FLT3: variants seen among roughly 807,000 people sequenced by gnomAD.
FLT3 encodes the protein fms related receptor tyrosine kinase 3.
FLT3 carries 46 observed loss-of-function variants against 126.6 expected under a neutral mutation model. The ratio of observed to expected loss-of-function variants is 0.36; its 90% CI spans 0.29 to 0.46. The LOEUF is 0.46. FLT3 is among the 20% of genes least tolerant of loss of function. The pLI is 1.00. For synonymous variants in FLT3, 404 were observed against 434.4 expected, an observed-to-expected ratio of 0.93 and a Z score of 0.87; for missense variants, 1,069 against 1,190.3, an observed-to-expected ratio of 0.90 and a Z score of 1.50.
chr13:28,062,582 A>C (rs1475501213), intron 2 of FLT3, among the ~76,000 whole-genome samples: 1 of 151,904 alleles, frequency 6.6e-6, no homozygotes, highest in Non-Finnish European at 1.5e-5. Flanking sequence ...ATGTCTACTA[A>C]AAATACAAAA....
At chr13:28,038,452 GTTT>G (rs1268645868) in intron 9 of FLT3, among the ~76,000 whole-genome samples, 2 of 144,540 alleles carry the variant, frequency 1.4e-5, no homozygotes, top group Non-Finnish European at 3.1e-5. Flanking sequence ...CCTACTGAAA[GTTT>G]TTTTTTTTTT....
intron 4 of FLT3, among the ~76,000 whole-genome samples, chr13:28,056,660 G>A (rs9513012): frequency 0.16 from 24,956 of 152,232 alleles, 2,234 homozygotes; most frequent in Middle Eastern, 0.26. Flanking sequence ...CATCTGGACC[G>A]TTCCTTACAG....
At chr13:28,078,809 G>A (rs1401785917) in intron 1 of FLT3, among the ~76,000 whole-genome samples, 1 of 151,796 alleles carries the variant, frequency 6.6e-6, no homozygotes, top group Non-Finnish European at 1.5e-5. Context: ...CGCCTCCCAG[G>A]TTCAAGCGAT....
In FLT3 at chr13:28,048,584, C is replaced by A; in HGVS notation, c.1037-141G>T. On this transcript the variant is annotated intron_variant, in intron 8 of 23. Transcript: ENST00000241453. ...CATGCTGCAGGTCAGGTTGGATAAT[C>A]CAAGTGAAAACCCAGGAGTCCTATC... The A allele has an allele frequency of 4.8e-6, 3 of 622,848 alleles. No individual in the cohort carries two copies. In the South Asian group the frequency reaches 6.2e-5, roughly 13 times the overall value. The allele number at this position is 622,848 out of a possible 1,614,324, so 38.6% of individuals were successfully genotyped here. A position where few individuals can be genotyped will look rare whatever the true frequency, so the allele number is the denominator to read the frequency against.
At chr13:28,086,886 ATC>A in intron 1 of FLT3, among the ~76,000 whole-genome samples, 1 of 151,942 alleles carries the variant, frequency 6.6e-6, no homozygotes, top group Non-Finnish European at 1.5e-5. Flanking sequence ...ACCTCAAGGG[ATC>A]TGCCCACCTT....
intron 1 of FLT3, among the ~76,000 whole-genome samples, chr13:28,081,999 G>A (rs541627101): frequency 2.0e-5 from 3 of 150,984 alleles, no homozygotes; most frequent in Admixed American, 6.6e-5. Context: ...GGGATTACAG[G>A]TGCCCACCAT....
intron 3 of FLT3, among the ~76,000 whole-genome samples, chr13:28,060,463 A>AT (rs1164040302): frequency 6.5e-5 from 1 of 15,438 alleles, no homozygotes; most frequent in Admixed American, 1.1e-3. Context: ...AGGTAAAAAT[A>AT]TTTAAAAAAA....
At chr13:28,054,277 A>G (rs145552700) in intron 4 of FLT3, among the ~76,000 whole-genome samples, 1 of 152,292 alleles carries the variant, frequency 6.6e-6, no homozygotes, top group East Asian at 1.9e-4. Context: ...CAAGTATAAA[A>G]TGGTATTTCA....
chr13:28,091,818 C>T (rs1316085631), intron 1 of FLT3, among the ~76,000 whole-genome samples: 1 of 151,908 alleles, frequency 6.6e-6, no homozygotes, highest in Non-Finnish European at 1.5e-5. Flanking sequence ...GCCTGTAATC[C>T]CAGCACTTTG....
chr13:28,089,603 C>G (rs2137823637), intron 1 of FLT3, among the ~76,000 whole-genome samples: 1 of 152,110 alleles, frequency 6.6e-6, no homozygotes, highest in East Asian at 1.9e-4. Context: ...GTGAAATAAA[C>G]ACACTCAAAG....
intron 20 of FLT3, among the ~76,000 whole-genome samples, chr13:28,016,973 G>C (rs1871921248): frequency 6.6e-6 from 1 of 152,102 alleles, no homozygotes; most frequent in Admixed American, 6.6e-5. Context: ...AACGCTATGA[G>C]GTAAGTGCAT....
intron 1 of FLT3, among the ~76,000 whole-genome samples, chr13:28,083,889 C>T (rs182366770): frequency 3.4e-4 from 51 of 152,054 alleles, no homozygotes; most frequent in African/African-American, 1.1e-3. Context: ...ATCAGTTTGG[C>T]TAGAGGTTTA....
chr13:28,086,271 C>T (rs534208600), intron 1 of FLT3, among the ~76,000 whole-genome samples: 6 of 152,082 alleles, frequency 3.9e-5, no homozygotes, highest in South Asian at 2.1e-4. Context: ...TTTTAGTAGT[C>T]GATTTAAGGT....
intron 20 of FLT3, 59 bp from the exon 21 acceptor site, chr13:28,015,760 T>C: frequency 9.9e-7 from 1 of 1,007,390 alleles, no homozygotes; most frequent in Non-Finnish European, 1.6e-6. Flanking sequence ...CATGACTTCT[T>C]TTCTTTTGTA....
intron 1 of FLT3, among the ~76,000 whole-genome samples, chr13:28,082,052 C>T (rs981256612): frequency 1.3e-5 from 2 of 151,726 alleles, no homozygotes; most frequent in Non-Finnish European, 2.9e-5. Context: ...GACAGGGTTT[C>T]GCCATGTTGC....
intron 23 of FLT3, among the ~76,000 whole-genome samples, chr13:28,004,444 C>T (rs1870703405): frequency 6.6e-6 from 1 of 151,892 alleles, no homozygotes; most frequent in South Asian, 2.1e-4. Flanking sequence ...TAGCTGGGAC[C>T]ACAAGCAGGC....
Position 28,049,398 on chromosome 13 carries a change from A to G in FLT3, c.1022T>C (p.Leu341Ser), listed in dbSNP as rs766309690. The change falls in exon 8 of 24, where the codon TTG becomes TCG. Residue 341 changes from leucine to serine, a missense_variant. By Grantham distance (145) the Leu-to-Ser change is moderately radical. Coordinates refer to ENST00000241453, the MANE Select transcript of FLT3 (RefSeq NM_004119.3). ...GCCTGCATTACCTACGATGGTAACC[A>G]AAGCTGATTGACTGGGATGCTTTGA... is the stretch of plus-strand genomic sequence containing the variant. ...SSSKHPSQSALVTIVEKGFIN... is the reference protein window; with the variant it reads ...SSSKHPSQSASVTIVEKGFIN... 1 of 1,613,830 alleles carries G rather than the reference A, an allele frequency of 6.2e-7. No homozygotes were observed. Among genetic ancestry groups the G allele is most frequent in the Admixed American group, 1.7e-5 (1 of 59,956 alleles).
chr13:28,098,893 G>A (rs1879644104), intron 1 of FLT3, among the ~76,000 whole-genome samples: 1 of 152,160 alleles, frequency 6.6e-6, no homozygotes, highest in Non-Finnish European at 1.5e-5. Flanking sequence ...TTTACATGAA[G>A]TTCAAACATA....
intron 9 of FLT3, among the ~76,000 whole-genome samples, chr13:28,040,865 T>A (rs1874309173): frequency 6.7e-6 from 1 of 148,742 alleles, no homozygotes; most frequent in Non-Finnish European, 1.5e-5. Flanking sequence ...CTGGGTGCGA[T>A]GGCACACACC....
Sources: gnomAD v4.1 joint callset for allele counts (sites outside exome capture counted in the v4.1 genomes callset) on GRCh38, gnomAD v4.1.1 for gene constraint, MANE v1.5 for transcripts, NCBI Gene and HGNC (gene_info 2026-07-23, HGNC 2026-07-21) for gene names.